The following MYH15 variants were observed in gnomAD, a reference collection of about 807,000 sequenced individuals.
MYH15 encodes myosin-15.
Under a neutral mutation model 240.5 loss-of-function variants are expected in MYH15, and 227 were observed. The ratio of observed to expected loss-of-function variants is 0.94; its 90% CI spans 0.85 to 1.05. The LOEUF is 1.05. Among genes scored for constraint, MYH15 ranks in the 50% least tolerant of loss-of-function variants. The probability of loss-of-function intolerance (pLI) is 0.00; values close to 1 mark genes in which losing one functional copy is unlikely to be tolerated. For synonymous variants in MYH15, 785 were observed against 796.7 expected, an observed-to-expected ratio of 0.99 and a Z score of 0.25; for missense variants, 2,217 against 2,247.5, an observed-to-expected ratio of 0.99 and a Z score of 0.27.
At chr3:108,430,794 T>G in intron 26 of MYH15, 38 bp downstream of exon 26, 1 of 1,486,166 alleles carries the variant, frequency 6.7e-7, no homozygotes, top group African/African-American at 1.4e-5. Context: ...CCCATGGATC[T>G]AAATATAAAT....
intron 2 of MYH15, among the ~76,000 whole-genome samples, chr3:108,502,120 C>G (rs1374115203): frequency 6.6e-6 from 1 of 152,184 alleles, no homozygotes; most frequent in African/African-American, 2.4e-5. Context: ...CTTATGGCTT[C>G]TGGCTAGCCC....
intron 34 of MYH15, 23 bp from the exon 35 acceptor site, chr3:108,398,863 G>A (rs1163428438): frequency 6.2e-7 from 1 of 1,608,950 alleles, no homozygotes; most frequent in African/African-American, 1.3e-5. Context: ...AGATGGGTCT[G>A]GAGTACAGAT....
chr3:108,492,068 C>A (rs2083352439), intron 9 of MYH15, among the ~76,000 whole-genome samples: 1 of 151,926 alleles, frequency 6.6e-6, no homozygotes, highest in South Asian at 2.1e-4. Flanking sequence ...TGGTGAAACC[C>A]CATCTCTATT....
rs2083366788 is a variant in MYH15, at chr3:108,493,184, T to TG, written c.712-8dup. ...GCATCCTGATGAATTTGCCCTAGTG[T>TG]GGACACAGAACACAGTCAGACACAA... On this transcript the variant is annotated splice_polypyrimidine_tract_variant and splice_region_variant and intron_variant, in intron 7 of 40. Coordinates refer to ENST00000693548, the MANE Select transcript of MYH15 (RefSeq NM_014981.3). 6.2e-7 allele frequency: 1 copy of TG among 1,613,514 alleles called. No individual in the cohort carries two copies. Among genetic ancestry groups the TG allele is most frequent in the East Asian group, 2.2e-5 (1 of 44,872 alleles).
chr3:108,548,131 T>C, the MYH15 span, among the ~76,000 whole-genome samples: 1 of 152,156 alleles, frequency 6.6e-6, no homozygotes, highest in Non-Finnish European at 1.5e-5. Context: ...GTTGCAAGGT[T>C]TCTACATTTT....
intron 9 of MYH15, among the ~76,000 whole-genome samples, chr3:108,489,860 T>C (rs938063411): frequency 1.3e-5 from 2 of 152,170 alleles, no homozygotes; most frequent in African/African-American, 4.8e-5. Context: ...CTAAAACAGG[T>C]AGACTGACAA....
chr3:108,499,449 A>G lies in MYH15; in HGVS notation c.524+6T>C. On this transcript the variant is annotated splice_donor_region_variant and intron_variant, in intron 5 of 40. Coordinates refer to ENST00000693548, the MANE Select transcript of MYH15 (RefSeq NM_014981.3). Reference sequence around the variant, plus strand: ...GCCAAAAAAGAAAAACAAGGCAAACACTTACGTGAAGAGTATAGACTGATT... The same window carrying G: ...GCCAAAAAAGAAAAACAAGGCAAACGCTTACGTGAAGAGTATAGACTGATT... The G allele has an allele frequency of 6.2e-7, 1 of 1,613,048 alleles. No homozygotes were observed. Among genetic ancestry groups the G allele is most frequent in the Non-Finnish European group, 8.5e-7 (1 of 1,179,664 alleles).
intron 1 of MYH15, among the ~76,000 whole-genome samples, chr3:108,519,447 G>A (rs560185412): frequency 1.3e-4 from 20 of 152,222 alleles, no homozygotes; most frequent in East Asian, 1.9e-4. Context: ...TTTTACAGGT[G>A]AGTATGCAGG....
At chr3:108,430,136 GA>G (rs2082766664) in intron 26 of MYH15, among the ~76,000 whole-genome samples, 1 of 152,146 alleles carries the variant, frequency 6.6e-6, no homozygotes, top group East Asian at 1.9e-4. Flanking sequence ...AAAACATTGA[GA>G]CTGGTTTTCT....
intron 21 of MYH15, among the ~76,000 whole-genome samples, chr3:108,451,322 G>A (rs1576241410): frequency 6.6e-6 from 1 of 152,298 alleles, no homozygotes; most frequent in Admixed American, 6.5e-5. Flanking sequence ...AGAGGTTGCA[G>A]TGACCCGATA....
intron 20 of MYH15, 68 bp from the exon 21 acceptor site, chr3:108,454,210 T>G (rs2083000304): frequency 7.1e-7 from 1 of 1,410,918 alleles, no homozygotes; most frequent in Middle Eastern, 1.8e-4. Context: ...TAAATGATCC[T>G]GTGAGCAACT....
At chr3:108,475,246 T>C (rs12633296) in intron 12 of MYH15, among the ~76,000 whole-genome samples, 13,542 of 152,058 alleles carry the variant, frequency 0.089, 1,684 homozygotes, top group East Asian at 0.59. Flanking sequence ...TAGCTATATA[T>C]CCTTTGGAAT....
At chr3:108,548,203 G>C in the MYH15 span, among the ~76,000 whole-genome samples, 4 of 151,966 alleles carry the variant, frequency 2.6e-5, no homozygotes, top group East Asian at 7.7e-4. Flanking sequence ...TGTCAAAATT[G>C]ATAAAAAAGC....
At chr3:108,507,319 C>A (rs1376144903) in intron 1 of MYH15, among the ~76,000 whole-genome samples, 1 of 138,532 alleles carries the variant, frequency 7.2e-6, no homozygotes, top group African/African-American at 2.7e-5. Context: ...ACAGAAGTCC[C>A]CAGGTCACAG....
At chr3:108,475,482 C>T (rs1303280313) in intron 12 of MYH15, among the ~76,000 whole-genome samples, 1 of 152,148 alleles carries the variant, frequency 6.6e-6, no homozygotes, top group Non-Finnish European at 1.5e-5. Context: ...TACCAATGGA[C>T]TGTTAGTGAA....
chr3:108,428,670 A>T lies in MYH15; in HGVS notation c.3524T>A (p.Leu1175Gln), dbSNP rs1480931862. The change falls in exon 27 of 41, where the codon CTG becomes CAG. Residue 1175 changes from leucine to glutamine, a missense_variant. Physicochemically the swap from Leu to Gln is moderately radical, Grantham distance 113 (BLOSUM62 -2). Coordinates refer to ENST00000693548, the MANE Select transcript of MYH15 (RefSeq NM_014981.3). Reference protein sequence around the residue: ...KLHRDMEEATLHFETTSASLK... With the variant: ...KLHRDMEEATQHFETTSASLK... ...AGATGCAGAAGTTGTCTCAAAGTGC[A>T]GAGTGGCCTCTTCCATGTCTCGGTG... is the stretch of plus-strand genomic sequence containing the variant. The T allele has an allele frequency of 2.5e-6, 4 of 1,612,516 alleles. No individual in the cohort carries two copies. In the African/African-American group the frequency reaches 5.4e-5, roughly 22 times the overall value.
intron 21 of MYH15, among the ~76,000 whole-genome samples, chr3:108,451,253 G>A (rs1181721535): frequency 1.3e-5 from 2 of 152,178 alleles, no homozygotes; most frequent in East Asian, 1.9e-4. Context: ...GGAGGCACAC[G>A]CCTGTAATCC....
chr3:108,470,041 C>A lies in MYH15; in HGVS notation c.1554+1G>T, dbSNP rs749113604. 1 of 1,590,108 alleles carries A rather than the reference C, an allele frequency of 6.3e-7. No homozygotes were observed. The highest frequency in any genetic ancestry group is 1.9e-5 in the Admixed American group (1 of 53,332). On this transcript the variant is annotated splice_donor_variant, in intron 14 of 40. Coordinates refer to ENST00000693548, the MANE Select transcript of MYH15 (RefSeq NM_014981.3). LOFTEE classifies it high-confidence loss of function. ...TGGACAAAGAGAAAAACATATATTA[C>A]CTTCTCAATGAGATCTATGCAAGCT...
At chr3:108,431,006 CAAAG>C (rs903423530) in intron 25 of MYH15, 84 bp from the exon 26 acceptor site, 2 of 924,890 alleles carry the variant, frequency 2.2e-6, no homozygotes, top group Admixed American at 4.2e-5. Flanking sequence ...ATTCCTAACA[CAAAG>C]AAAAGATAAA....
Sources: gnomAD v4.1 joint callset for allele counts (sites outside exome capture counted in the v4.1 genomes callset) on GRCh38, gnomAD v4.1.1 for gene constraint, MANE v1.5 for transcripts, NCBI Gene and HGNC (gene_info 2026-07-23, HGNC 2026-07-21) for gene names.